The following KDM7A variants were observed in gnomAD, a reference collection of about 807,000 sequenced individuals.
KDM7A encodes lysine demethylase 7A.
KDM7A carries 28 observed loss-of-function variants against 114.8 expected under a neutral mutation model. The observed-to-expected ratio is 0.24, with a 90% CI of 0.18 to 0.33. KDM7A has a LOEUF of 0.33. Among genes scored for constraint, KDM7A ranks in the 10% least tolerant of loss-of-function variants. KDM7A has a pLI of 1.00. For synonymous variants in KDM7A, 423 were observed against 397.8 expected (o/e 1.06, Z -0.75); for missense variants, 942 against 1,142.5 (o/e 0.82, Z 2.53).
chr7:140,091,279 A>G, intron 19 of KDM7A, 91 bp from the exon 20 acceptor site: 1 of 878,486 alleles, frequency 1.1e-6, no homozygotes, highest in Non-Finnish European at 1.9e-6. Flanking sequence ...TCTTTATGGG[A>G]AGTAAGCCCT....
Position 140,090,926 on chromosome 7 carries a change from T to G in KDM7A, c.*168A>C. 1 of 592,618 alleles carries G rather than the reference T, an allele frequency of 1.7e-6. No homozygotes were observed. The highest frequency in any genetic ancestry group is 3.0e-6 in the Non-Finnish European group (1 of 328,624). The allele number at this position is 592,618 out of a possible 1,614,324, so 36.7% of individuals were successfully genotyped here. The stretch of plus-strand genomic sequence containing the variant: ...CCACCAGGTCCAAAATGGTTATTGC[T>G]GAGTGGGTGTGGCACAGTGAAAATG... On this transcript the variant is annotated 3_prime_UTR_variant, in exon 20 of 20. Transcript: ENST00000397560.
chr7:140,138,765 C>G (rs901194299), intron 2 of KDM7A, among the ~76,000 whole-genome samples: 6 of 152,172 alleles, frequency 3.9e-5, no homozygotes, highest in Non-Finnish European at 7.4e-5. Context: ...TACTAAAGAT[C>G]TTCTATTTGT....
chr7:140,149,997 G>A (rs149024815), intron 1 of KDM7A, among the ~76,000 whole-genome samples: 6 of 152,256 alleles, frequency 3.9e-5, no homozygotes, highest in East Asian at 1.9e-4. Flanking sequence ...TGAAAGTCGC[G>A]TAGAGAAAAA....
intron 7 of KDM7A, 107 bp from the exon 8 acceptor site, chr7:140,120,636 A>G: frequency 1.5e-6 from 1 of 670,964 alleles, no homozygotes; most frequent in South Asian, 1.8e-5. Context: ...AGTTTACTTC[A>G]TATTTCAGTG....
intron 1 of KDM7A, among the ~76,000 whole-genome samples, chr7:140,145,353 G>A (rs1794329195): frequency 6.6e-6 from 1 of 152,160 alleles, no homozygotes; most frequent in South Asian, 2.1e-4. Context: ...GAGATGATCT[G>A]AGGGGTCTTA....
intron 1 of KDM7A, among the ~76,000 whole-genome samples, chr7:140,145,405 G>A (rs1794329562): frequency 6.6e-6 from 1 of 152,186 alleles, no homozygotes; most frequent in African/African-American, 2.4e-5. Flanking sequence ...TTGAGCAACT[G>A]ACCTATAAGG....
intron 1 of KDM7A, among the ~76,000 whole-genome samples, chr7:140,158,178 G>C (rs1371112797): frequency 2.6e-5 from 4 of 152,082 alleles, no homozygotes; most frequent in African/African-American, 9.7e-5. Context: ...GGAATTTTCA[G>C]AGAAGTTTTC....
At chr7:140,168,280 A>G (rs1365924007) in intron 1 of KDM7A, among the ~76,000 whole-genome samples, 3 of 152,182 alleles carry the variant, frequency 2.0e-5, no homozygotes, top group African/African-American at 7.2e-5. Flanking sequence ...GTATCTCAAT[A>G]CAAGGTCGGG....
Position 140,087,946 on chromosome 7 carries a change from C to T in KDM7A, c.*3148G>A, listed in dbSNP as rs1817957868. Reference sequence around the variant, plus strand: ...GAGAAGATACCTTCAAGGGCAGAGACCACAACTGCAAATTGATGTTCCCCA... The same window carrying T: ...GAGAAGATACCTTCAAGGGCAGAGATCACAACTGCAAATTGATGTTCCCCA... On this transcript the variant is annotated 3_prime_UTR_variant, in exon 20 of 20. Coordinates refer to ENST00000397560, the MANE Select transcript of KDM7A (RefSeq NM_030647.2). 6.6e-6 allele frequency: 1 copy of T among 152,182 alleles called. No homozygotes were observed. The highest frequency in any genetic ancestry group is 2.1e-4 in the South Asian group (1 of 4,830). 9.4% of individuals were successfully genotyped at this position (152,182 alleles called of 1,614,324 possible).
intron 3 of KDM7A, among the ~76,000 whole-genome samples, chr7:140,131,374 C>A (rs903854924): frequency 6.6e-6 from 1 of 152,162 alleles, no homozygotes; most frequent in African/African-American, 2.4e-5. Context: ...AAGTGTGACA[C>A]TTGCCTTAAA....
chr7:140,127,371 A>C, intron 5 of KDM7A, 71 bp downstream of exon 5: 1 of 1,338,638 alleles, frequency 7.5e-7, no homozygotes. Context: ...TTCTTCCTAA[A>C]ATAAATACAT....
intron 1 of KDM7A, among the ~76,000 whole-genome samples, chr7:140,147,931 G>A (rs1238285646): frequency 6.6e-6 from 1 of 152,152 alleles, no homozygotes; most frequent in Admixed American, 6.5e-5. Context: ...AGGAGCAGGC[G>A]TTCCCCTGAG....
In KDM7A at chr7:140,175,727, G is replaced by T. The variant is rs552528613; in HGVS notation, c.194+1017C>A. On this transcript the variant is annotated intron_variant, in intron 1 of 19. Coordinates refer to ENST00000397560, the MANE Select transcript of KDM7A (RefSeq NM_030647.2). ...GCCCGAGCTCTCAAACGTCAAACCC[G>T]GAGCGCGGCGGCGGCTGAATCAGAG... 9.2e-5 allele frequency among the ~76,000 whole-genome samples: 14 copies of T among 152,220 alleles called. No individual in the cohort carries two copies. The South Asian group carries it at 2.5e-3, about 27-fold the overall frequency.
Position 140,098,938 on chromosome 7 carries a change from A to C in KDM7A, c.1859T>G (p.Ile620Arg). Residue 620 changes from isoleucine to arginine, a missense_variant, in exon 14 of 20, where the codon ATA becomes AGA. Ile to Arg is a moderately conservative substitution (Grantham distance 97). Coordinates refer to ENST00000397560, the MANE Select transcript of KDM7A (RefSeq NM_030647.2). The stretch of plus-strand genomic sequence containing the variant: ...TCCCTCTACTCCTGAACTCTCTTCT[A>C]TCTTCATTTTTGCCTTTTTTGTCCT... The part of the protein sequence containing the change: ...KRRTKKAKMK[I>R]EESSGVEGVE... 6.2e-7 allele frequency: 1 copy of C among 1,613,352 alleles called. No individual in the cohort carries two copies. Among genetic ancestry groups the C allele is most frequent in the African/African-American group, 1.3e-5 (1 of 74,894 alleles).
chr7:140,151,310 A>G (rs1360650379), intron 1 of KDM7A, among the ~76,000 whole-genome samples: 1 of 152,214 alleles, frequency 6.6e-6, no homozygotes, highest in Non-Finnish European at 1.5e-5. Context: ...CCTTAAAGAC[A>G]TGGGTAATAT....
intron 10 of KDM7A, 133 bp from the exon 11 acceptor site, chr7:140,111,317 C>CAA: frequency 1.7e-6 from 1 of 590,332 alleles, no homozygotes; most frequent in Admixed American, 3.0e-5. Context: ...AGCCAGGTTT[C>CAA]AGAGTTCGTG....
At chr7:140,154,499 TA>T (rs397974321) in intron 1 of KDM7A, among the ~76,000 whole-genome samples, 1,738 of 74,294 alleles carry the variant, frequency 0.023, 32 homozygotes, top group African/African-American at 0.071. Context: ...CTCTTAAAAT[TA>T]AAAAAAAAAA....
chr7:140,158,519 G>A (rs1442442754), intron 1 of KDM7A, among the ~76,000 whole-genome samples: 1 of 152,226 alleles, frequency 6.6e-6, no homozygotes, highest in Non-Finnish European at 1.5e-5. Context: ...GATCAAGAAG[G>A]GAGGGAGTCG....
Position 140,086,352 on chromosome 7 carries a change from G to A in KDM7A, c.*4742C>T, listed in dbSNP as rs1817923646. 1 of 152,076 alleles carries A rather than the reference G, an allele frequency of 6.6e-6. No homozygotes were observed. Among genetic ancestry groups the A allele is most frequent in the Non-Finnish European group, 1.5e-5 (1 of 68,028 alleles). 9.4% of individuals were successfully genotyped at this position (152,076 alleles called of 1,614,324 possible). A position where few individuals can be genotyped will look rare whatever the true frequency, so the allele number is the denominator to read the frequency against. On this transcript the variant is annotated 3_prime_UTR_variant, in exon 20 of 20. Coordinates refer to ENST00000397560, the MANE Select transcript of KDM7A (RefSeq NM_030647.2). ...CACCAGGGGGAAGGGGAGAACCTAA[G>A]GATATTGCAAAAGAGTATTATTTTC...
Sources: gnomAD v4.1 joint callset for allele counts (sites outside exome capture counted in the v4.1 genomes callset) on GRCh38, gnomAD v4.1.1 for gene constraint, MANE v1.5 for transcripts, NCBI Gene and HGNC (gene_info 2026-07-23, HGNC 2026-07-21) for gene names.